EIF5B: variants seen among roughly 807,000 people sequenced by gnomAD.
EIF5B encodes the protein eukaryotic translation initiation factor 5B.
In EIF5B, 47 loss-of-function variants were observed where a neutral mutation model predicts 147.5. The observed-to-expected ratio is 0.32, with a 90% CI of 0.25 to 0.41. EIF5B has a LOEUF of 0.41. Ranked by LOEUF, EIF5B falls within the 10% of genes least tolerant of loss-of-function variation. The pLI, the probability that EIF5B is intolerant of heterozygous loss-of-function variation, is 1.00. For missense variants in EIF5B, 1,064 were observed against 1,413.2 expected (o/e 0.75, Z 3.96); for synonymous variants, 455 against 456.2 (o/e 1.00, Z 0.03).
chr2:99,346,471 T>G (rs1372631599), intron 1 of EIF5B, among the ~76,000 whole-genome samples: 1 of 151,914 alleles, frequency 6.6e-6, no homozygotes, highest in Non-Finnish European at 1.5e-5. Context: ...ACAAGTTAGG[T>G]GGGGAAAATC....
intron 23 of EIF5B, 35 bp from the exon 24 acceptor site, chr2:99,399,272 T>C: frequency 6.3e-7 from 1 of 1,599,592 alleles, no homozygotes; most frequent in Non-Finnish European, 8.6e-7. Flanking sequence ...GTTTGTTATG[T>C]TCTGTTTACC....
intron 1 of EIF5B, among the ~76,000 whole-genome samples, chr2:99,356,537 C>T (rs1674099694): frequency 6.6e-6 from 1 of 152,106 alleles, no homozygotes; most frequent in Non-Finnish European, 1.5e-5. Context: ...AATTAATTAA[C>T]ATATTAATTT....
At chr2:99,358,053 C>T (rs1335120141) in intron 1 of EIF5B, among the ~76,000 whole-genome samples, 3 of 152,072 alleles carry the variant, frequency 2.0e-5, no homozygotes, top group Non-Finnish European at 4.4e-5. Context: ...CCCTGCCACT[C>T]ATTGTACCAG....
chr2:99,346,834 T>A (rs185177366), intron 1 of EIF5B, among the ~76,000 whole-genome samples: 17 of 151,992 alleles, frequency 1.1e-4, no homozygotes, highest in Admixed American at 1.0e-3. Flanking sequence ...CCTCCCAAAG[T>A]GCTGGGATTA....
intron 10 of EIF5B, 58 bp from the exon 11 acceptor site, chr2:99,378,961 G>A: frequency 9.8e-6 from 13 of 1,326,246 alleles, no homozygotes; most frequent in Non-Finnish European, 1.3e-5. Flanking sequence ...AGAAAATAAG[G>A]ATAGTGAGGA....
At chr2:99,391,816 A>G (rs1015938826) in intron 17 of EIF5B, among the ~76,000 whole-genome samples, 12 of 149,776 alleles carry the variant, frequency 8.0e-5, no homozygotes, top group East Asian at 5.9e-4. Context: ...TGCAGCCTCA[A>G]CCTCCCCGGG....
At chr2:99,353,005 C>CTTCTTTTTTT (rs1674009425) in intron 1 of EIF5B, among the ~76,000 whole-genome samples, 6 of 62,856 alleles carry the variant, frequency 9.5e-5, no homozygotes, top group East Asian at 1.2e-3. Flanking sequence ...TCTTCTTCTT[C>CTTCTTTTTTT]TTTTTTTTTT....
Position 99,364,320 on chromosome 2 carries a change from A to G in EIF5B, c.1187A>G (p.Glu396Gly), listed in dbSNP as rs1674282130. Residue 396 changes from glutamate to glycine, a missense_variant, in exon 6 of 24, where the codon GAA becomes GGA. Physicochemically the swap from Glu to Gly is moderately conservative, Grantham distance 98 (BLOSUM62 -2). Around this residue, in one of 4 missense-constraint regions of EIF5B, gnomAD observed 458 missense variants for 451.3 expected, o/e 1.01. Transcript: ENST00000289371. ...KRERKKQKEKERKERLKKEGK... is the reference protein window; with the variant it reads ...KRERKKQKEKGRKERLKKEGK... ...GAAAGGAAAAAGCAAAAAGAAAAAG[A>G]AAGAAAAGAACGCTTGAAAAAAGAA... 1.2e-6 allele frequency: 2 copies of G among 1,607,876 alleles called. No homozygotes were observed. The highest frequency in any genetic ancestry group is 3.4e-5 in the Admixed American group (2 of 58,452).
At chr2:99,348,890 C>T (rs1287707739) in intron 1 of EIF5B, among the ~76,000 whole-genome samples, 1 of 152,138 alleles carries the variant, frequency 6.6e-6, no homozygotes, top group Admixed American at 6.6e-5. Context: ...GGGGGTGCTT[C>T]GGTTATTATT....
Position 99,400,825 on chromosome 2 carries a change from C to T in EIF5B, c.*1411C>T, listed in dbSNP as rs927475273. 2.6e-5 allele frequency: 4 copies of T among 153,920 alleles called. No individual in the cohort carries two copies. The highest frequency in any genetic ancestry group is 9.7e-5 in the African/African-American group (4 of 41,332). The allele number at this position is 153,920 out of a possible 1,614,324, so 9.5% of individuals were successfully genotyped here. On this transcript the variant is annotated 3_prime_UTR_variant, in exon 24 of 24. Coordinates refer to ENST00000289371, the MANE Select transcript of EIF5B (RefSeq NM_015904.4). ...AACAAGTAGAATCCCGGTCTGAGAC[C>T]TCTCAGGAATTTCAGAGCTTAGCAG...
Position 99,379,008 on chromosome 2 carries a change from T to A in EIF5B, c.1843-11T>A. ...ATTTAATTTTTGATTTTTTTTTTTT[T>A]TTATTTCTAGAAACGGCGACTTGAA... is the stretch of plus-strand genomic sequence containing the variant. On this transcript the variant is annotated splice_polypyrimidine_tract_variant and intron_variant, in intron 10 of 23. Coordinates refer to ENST00000289371, the MANE Select transcript of EIF5B (RefSeq NM_015904.4). The A allele has an allele frequency of 2.7e-6, 4 of 1,507,916 alleles. No homozygotes were observed. The highest frequency in any genetic ancestry group is 3.5e-6 in the Non-Finnish European group (4 of 1,127,082). The allele number at this position is 1,507,916 out of a possible 1,614,324, so 93.4% of individuals were successfully genotyped here.
chr2:99,376,715 T>G, intron 10 of EIF5B, 79 bp downstream of exon 10: 1 of 1,489,088 alleles, frequency 6.7e-7, no homozygotes, highest in Non-Finnish European at 8.9e-7. Context: ...AACTAAAGGC[T>G]TTGAACAGCA....
chr2:99,391,672 T>G (rs1674932753), intron 17 of EIF5B, among the ~76,000 whole-genome samples: 1 of 152,126 alleles, frequency 6.6e-6, no homozygotes, highest in South Asian at 2.1e-4. Context: ...CTTAGAAGTG[T>G]CTGTAGACTT....
At position 99,390,341 on chromosome 2, in the gene EIF5B, T is replaced by C; in HGVS notation, c.2526T>C (p.Thr842=). 4.3e-6 allele frequency: 7 copies of C among 1,613,984 alleles called. No homozygotes were observed. Among genetic ancestry groups the C allele is most frequent in the Admixed American group, 1.7e-5 (1 of 60,014 alleles). ...GSLIYLLVEL[T]QTMLSKRLAH... is the part of the protein sequence containing the mutation. ...TGATCTACCTTCTTGTAGAGTTAAC[T>C]CAGACCATGTTGAGCAAGAGACTTG... The change falls in exon 16 of 24, where the codon ACT becomes ACC. Residue 842 remains threonine (T), a synonymous_variant. Coordinates refer to ENST00000289371, the MANE Select transcript of EIF5B (RefSeq NM_015904.4).
intron 6 of EIF5B, among the ~76,000 whole-genome samples, chr2:99,368,271 T>C (rs559959724): frequency 2.0e-5 from 3 of 152,320 alleles, no homozygotes; most frequent in East Asian, 3.9e-4. Flanking sequence ...ATTGTGATGG[T>C]GATACACGTA....
chr2:99,389,052 T>C (rs1032827399), intron 14 of EIF5B, among the ~76,000 whole-genome samples: 2 of 152,206 alleles, frequency 1.3e-5, no homozygotes, highest in Non-Finnish European at 2.9e-5. Flanking sequence ...TCTAAGGACC[T>C]CATATGCTAA....
intron 9 of EIF5B, among the ~76,000 whole-genome samples, chr2:99,373,505 C>T (rs949353860): frequency 1.3e-5 from 2 of 152,176 alleles, no homozygotes; most frequent in African/African-American, 2.4e-5. Context: ...ATGAGAGTGA[C>T]TTAATCACTC....
intron 22 of EIF5B, 200 bp from the exon 23 acceptor site, chr2:99,398,548 C>A (rs963108977): frequency 1.2e-5 from 6 of 489,734 alleles, no homozygotes; most frequent in African/African-American, 4.0e-5. Context: ...GTCATTCTTA[C>A]AACCATCATG....
intron 4 of EIF5B, among the ~76,000 whole-genome samples, chr2:99,362,834 C>G (rs1263945185): frequency 1.3e-5 from 2 of 151,978 alleles, no homozygotes; most frequent in Non-Finnish European, 2.9e-5. Flanking sequence ...TCTCAGCTCA[C>G]TGCAACCTCC....
Sources: gnomAD v4.1 joint callset for allele counts (sites outside exome capture counted in the v4.1 genomes callset) on GRCh38, gnomAD v4.1.1 for gene constraint, gnomAD v4.1.1 regional missense constraint, MANE v1.5 for transcripts, NCBI Gene and HGNC (gene_info 2026-07-23, HGNC 2026-07-21) for gene names.